NKAIN2: variants seen among roughly 807,000 people sequenced by gnomAD.
The protein encoded by NKAIN2 is sodium/potassium transporting ATPase interacting 2.
NKAIN2 carries 14 observed loss-of-function variants against 32.6 expected under a neutral mutation model. The observed-to-expected ratio is 0.43, with a 90% CI of 0.28 to 0.67. The LOEUF is 0.67. NKAIN2 is among the 30% of genes least tolerant of loss of function. The pLI is 0.17. For missense variants in NKAIN2, 198 were observed against 258.3 expected, an observed-to-expected ratio of 0.77 and a Z score of 1.60; for synonymous variants, 80 against 87.2, an observed-to-expected ratio of 0.92 and a Z score of 0.46.
intron 1 of NKAIN2, among the ~76,000 whole-genome samples, chr6:124,220,794 G>C (rs1261327021): frequency 6.6e-6 from 1 of 151,922 alleles, no homozygotes; most frequent in Non-Finnish European, 1.5e-5. Flanking sequence ...TTTATTTAAA[G>C]AGGCCTAGAA....
chr6:123,954,120 A>T (rs2114592742), intron 1 of NKAIN2, among the ~76,000 whole-genome samples: 1 of 152,314 alleles, frequency 6.6e-6, no homozygotes, highest in East Asian at 1.9e-4. Flanking sequence ...CAGTTACTGT[A>T]GGCAAGGCAT....
At chr6:124,462,942 C>T (rs1776591451) in intron 3 of NKAIN2, among the ~76,000 whole-genome samples, 1 of 151,954 alleles carries the variant, frequency 6.6e-6, no homozygotes, top group Non-Finnish European at 1.5e-5. Flanking sequence ...CACAACTCTG[C>T]AAAACAGCTT....
In NKAIN2 at chr6:124,148,408, T is replaced by TC. The variant is rs567160277; in HGVS notation, c.55-134590dup. On this transcript the variant is annotated intron_variant, in intron 1 of 6. Coordinates refer to ENST00000368417, the MANE Select transcript of NKAIN2 (RefSeq NM_001040214.3). ...TCTCCATTAACATTCCTTCCTTATC[T>TC]CCCCCCCGACCAACCCCTGGCAACT... 3.8e-4 allele frequency among the ~76,000 whole-genome samples: 57 copies of TC among 151,916 alleles called. 1 individual carries two copies. In the South Asian group the frequency reaches 7.7e-3, roughly 21 times the overall value.
At chr6:124,681,150 C>A (rs11964443) in intron 4 of NKAIN2, among the ~76,000 whole-genome samples, 1 of 151,886 alleles carries the variant, frequency 6.6e-6, no homozygotes. Context: ...CTTTACAGAT[C>A]TATATTCTTC....
intron 3 of NKAIN2, among the ~76,000 whole-genome samples, chr6:124,493,879 A>C (rs1777967715): frequency 6.6e-6 from 1 of 151,982 alleles, no homozygotes; most frequent in Admixed American, 6.6e-5. Flanking sequence ...CCAACTCAAG[A>C]GCATCCTCCA....
intron 3 of NKAIN2, among the ~76,000 whole-genome samples, chr6:124,440,945 C>T (rs1775661879): frequency 6.6e-6 from 1 of 152,078 alleles, no homozygotes; most frequent in African/African-American, 2.4e-5. Flanking sequence ...TTTCTAGACA[C>T]ATATATTCTA....
chr6:124,659,903 CTAAG>C (rs1307069596), intron 4 of NKAIN2, among the ~76,000 whole-genome samples: 9 of 152,098 alleles, frequency 5.9e-5, no homozygotes, highest in African/African-American at 1.2e-4. Context: ...TGCTAAAACA[CTAAG>C]TAATATCCCT....
chr6:123,982,154 G>A (rs1255992842), intron 1 of NKAIN2, among the ~76,000 whole-genome samples: 6 of 151,922 alleles, frequency 3.9e-5, no homozygotes, highest in African/African-American at 1.5e-4. Context: ...TGTTGACTCT[G>A]ATCTGGATGC....
At chr6:124,237,415 T>A (rs1036159141) in intron 1 of NKAIN2, among the ~76,000 whole-genome samples, 1 of 152,114 alleles carries the variant, frequency 6.6e-6, no homozygotes, top group Non-Finnish European at 1.5e-5. Context: ...GATCTGGAAT[T>A]TATCAAGAAA....
At chr6:123,909,536 C>T (rs1775061081) in intron 1 of NKAIN2, among the ~76,000 whole-genome samples, 1 of 152,174 alleles carries the variant, frequency 6.6e-6, no homozygotes, top group African/African-American at 2.4e-5. Context: ...TGAAGGTAGA[C>T]ACCATGCTTC....
intron 1 of NKAIN2, among the ~76,000 whole-genome samples, chr6:124,277,260 T>C (rs1356977458): frequency 6.6e-6 from 1 of 152,162 alleles, no homozygotes; most frequent in Non-Finnish European, 1.5e-5. Context: ...GCAACTTTTA[T>C]TGACAAAAGT....
intron 3 of NKAIN2, among the ~76,000 whole-genome samples, chr6:124,569,268 T>C (rs1160766806): frequency 6.6e-6 from 1 of 152,250 alleles, no homozygotes; most frequent in African/African-American, 2.4e-5. Flanking sequence ...CTGATTGAGA[T>C]AGATGCCATC....
At chr6:124,218,257 G>A (rs962461522) in intron 1 of NKAIN2, among the ~76,000 whole-genome samples, 2 of 152,224 alleles carry the variant, frequency 1.3e-5, no homozygotes, top group African/African-American at 4.8e-5. Context: ...ATAGAGCATG[G>A]AACTTGTTTT....
At chr6:124,373,606 C>T (rs1425892574) in intron 3 of NKAIN2, among the ~76,000 whole-genome samples, 1 of 152,090 alleles carries the variant, frequency 6.6e-6, no homozygotes, top group African/African-American at 2.4e-5. Context: ...TCTGCAACTT[C>T]TCATGTCTGA....
intron 3 of NKAIN2, among the ~76,000 whole-genome samples, chr6:124,420,817 A>G (rs1046776326): frequency 2.0e-5 from 3 of 152,070 alleles, no homozygotes; most frequent in Admixed American, 6.6e-5. Flanking sequence ...CTTCCTTTCC[A>G]TAAGATATAA....
At chr6:124,590,082 G>A (rs751515840) in intron 3 of NKAIN2, among the ~76,000 whole-genome samples, 1 of 151,968 alleles carries the variant, frequency 6.6e-6, no homozygotes, top group Non-Finnish European at 1.5e-5. Context: ...CCTTTCTATT[G>A]TGCTGCTGCC....
intron 1 of NKAIN2, among the ~76,000 whole-genome samples, chr6:124,281,228 C>T (rs1459238000): frequency 6.6e-6 from 1 of 152,138 alleles, no homozygotes; most frequent in African/African-American, 2.4e-5. Flanking sequence ...TTCCTATTCA[C>T]TATTTATTCA....
chr6:124,430,872 G>A (rs960253471), intron 3 of NKAIN2, among the ~76,000 whole-genome samples: 12 of 152,118 alleles, frequency 7.9e-5, no homozygotes, highest in South Asian at 2.1e-4. Flanking sequence ...GCACACACGC[G>A]CGCGCACATA....
intron 3 of NKAIN2, among the ~76,000 whole-genome samples, chr6:124,501,783 G>A (rs185731160): frequency 6.6e-6 from 1 of 152,152 alleles, no homozygotes; most frequent in Admixed American, 6.5e-5. Context: ...TCCTAAAAAT[G>A]CATTAGTTTC....
Sources: allele counts gnomAD v4.1 joint callset (sites outside exome capture counted in the v4.1 genomes callset), GRCh38; gene constraint gnomAD v4.1.1; transcripts MANE v1.5; gene names NCBI Gene and HGNC (gene_info 2026-07-23, HGNC 2026-07-21).